Variants in C12orf54 observed in about 807,000 individuals in gnomAD.
C12orf54 encodes chromosome 12 open reading frame 54, also known as uncharacterized protein C12orf54.
A neutral mutation model predicts 26.4 loss-of-function variants in C12orf54; 24 were observed. The observed-to-expected ratio is 0.91, with a 90% CI of 0.66 to 1.28. The LOEUF is 1.28. C12orf54 is among the 50% of genes most tolerant of loss of function. C12orf54 has a pLI of 0.00. For missense variants in C12orf54, 154 were observed against 150.9 expected (o/e 1.02, Z -0.11); for synonymous variants, 54 against 47.0 (o/e 1.15, Z -0.61).
the C12orf54 span, among the ~76,000 whole-genome samples, chr12:48,465,424 C>T: frequency 1.3e-5 from 2 of 152,036 alleles, no homozygotes; most frequent in African/African-American, 4.8e-5. Flanking sequence ...CTGATGCTGG[C>T]AAGGTTGTGG....
At chr12:48,440,692 T>C in the C12orf54 span, among the ~76,000 whole-genome samples, 1 of 152,212 alleles carries the variant, frequency 6.6e-6, no homozygotes, top group Non-Finnish European at 1.5e-5. Flanking sequence ...ATGAATAGTT[T>C]GAAGCAGGAT....
chr12:48,431,677 A>G, the C12orf54 span, among the ~76,000 whole-genome samples: 2 of 152,244 alleles, frequency 1.3e-5, no homozygotes, highest in Non-Finnish European at 1.5e-5. Context: ...GAAAGTGATC[A>G]TCTCTTCTTT....
chr12:48,469,278 T>G, the C12orf54 span, among the ~76,000 whole-genome samples: 1 of 152,304 alleles, frequency 6.6e-6, no homozygotes, highest in East Asian at 1.9e-4. Context: ...CTGCATAAGA[T>G]GGACACTCCC....
intron 2 of C12orf54, 137 bp downstream of exon 2, chr12:48,483,498 G>T (rs1592198481): frequency 1.5e-6 from 1 of 655,164 alleles, no homozygotes; most frequent in East Asian, 2.8e-5. Flanking sequence ...GGACTTTCAT[G>T]TGTCCTCCCT....
At chr12:48,458,675 C>G in the C12orf54 span, among the ~76,000 whole-genome samples, 7 of 151,698 alleles carry the variant, frequency 4.6e-5, no homozygotes, top group African/African-American at 1.7e-4. Context: ...ACATCATGAT[C>G]TCTAGTCATT....
chr12:48,471,560 T>G, the C12orf54 span, among the ~76,000 whole-genome samples: 1 of 152,208 alleles, frequency 6.6e-6, no homozygotes, highest in African/African-American at 2.4e-5. Flanking sequence ...CTTCTGCATA[T>G]GGCTAGCCAG....
upstream of C12orf54, among the ~76,000 whole-genome samples, chr12:48,479,555 G>T (rs983697851): frequency 1.3e-5 from 2 of 151,044 alleles, no homozygotes; most frequent in Admixed American, 1.3e-4. Context: ...ACATTTTTAG[G>T]GACCTAAGTG....
chr12:48,472,522 G>T, the C12orf54 span: 1 of 900,344 alleles, frequency 1.1e-6, no homozygotes, highest in Non-Finnish European at 1.7e-6. Context: ...GGAGATAATA[G>T]ATTTTGGGTG....
chr12:48,422,609 C>T, the C12orf54 span, among the ~76,000 whole-genome samples: 1 of 152,238 alleles, frequency 6.6e-6, no homozygotes, highest in East Asian at 1.9e-4. Flanking sequence ...AAAACATACT[C>T]ATTCACAATG....
At chr12:48,461,015 C>T in the C12orf54 span, among the ~76,000 whole-genome samples, 1 of 151,712 alleles carries the variant, frequency 6.6e-6, no homozygotes, top group Non-Finnish European at 1.5e-5. Flanking sequence ...TGTATGCTGC[C>T]TCATAAGAAA....
At chr12:48,472,604 G>A in the C12orf54 span, 10 of 1,599,156 alleles carry the variant, frequency 6.3e-6, no homozygotes, top group Non-Finnish European at 8.5e-6. Context: ...GCGGTTGTGG[G>A]TTCGGGGTTT....
the C12orf54 span, among the ~76,000 whole-genome samples, chr12:48,458,651 T>C: frequency 6.6e-6 from 1 of 152,186 alleles, no homozygotes; most frequent in Non-Finnish European, 1.5e-5. Context: ...TACAAAATAT[T>C]AGTGTTACCA....
chr12:48,482,846 C>T (rs1419442890), intron 1 of C12orf54, among the ~76,000 whole-genome samples: 1 of 152,080 alleles, frequency 6.6e-6, no homozygotes, highest in African/African-American at 2.4e-5. Context: ...TCACTCTACA[C>T]TATTTCCTGT....
At chr12:48,414,562 C>T in the C12orf54 span, among the ~76,000 whole-genome samples, 4 of 152,200 alleles carry the variant, frequency 2.6e-5, no homozygotes, top group African/African-American at 7.2e-5. Context: ...ATTACTGGTT[C>T]AGAGGATGGC....
At chr12:48,431,793 G>T in the C12orf54 span, among the ~76,000 whole-genome samples, 1 of 152,106 alleles carries the variant, frequency 6.6e-6, no homozygotes, top group Non-Finnish European at 1.5e-5. Context: ...GTAGTTTAGT[G>T]GAATTCTAGG....
chr12:48,449,324 C>T, the C12orf54 span, among the ~76,000 whole-genome samples: 1 of 152,274 alleles, frequency 6.6e-6, no homozygotes, highest in South Asian at 2.1e-4. Flanking sequence ...CAAAGGATGG[C>T]TTCATGGGGC....
At chr12:48,435,723 T>C in the C12orf54 span, among the ~76,000 whole-genome samples, 1 of 151,608 alleles carries the variant, frequency 6.6e-6, no homozygotes, top group Admixed American at 6.6e-5. Flanking sequence ...AGAGATTTTG[T>C]CACCAAGCCT....
the C12orf54 span, among the ~76,000 whole-genome samples, chr12:48,421,980 C>G: frequency 6.6e-6 from 1 of 152,088 alleles, no homozygotes; most frequent in East Asian, 1.9e-4. Flanking sequence ...TAAAACAAAA[C>G]TAAGAGAACT....
At chr12:48,494,702 A>C (rs1470035397) in intron 7 of C12orf54, 96 bp from the exon 8 acceptor site, 3 of 1,320,452 alleles carry the variant, frequency 2.3e-6, no homozygotes, top group Non-Finnish European at 3.2e-6. Context: ...GGGGAGTGTA[A>C]TAATAGAATC....
Sources: gnomAD v4.1 joint callset for allele counts (sites outside exome capture counted in the v4.1 genomes callset) on GRCh38, gnomAD v4.1.1 for gene constraint, MANE v1.5 for transcripts, NCBI Gene and HGNC (gene_info 2026-07-23, HGNC 2026-07-21) for gene names.